CCNE1: variants seen among roughly 807,000 people sequenced by gnomAD.
CCNE1 encodes the protein G1/S-specific cyclin-E1.
In CCNE1, 8 loss-of-function variants were observed where a neutral mutation model predicts 54.1. The ratio of observed to expected loss-of-function variants is 0.15; its 90% CI spans 0.09 to 0.27. CCNE1 has a LOEUF of 0.27. CCNE1 is among the 10% of genes least tolerant of loss of function. CCNE1 has a pLI of 1.00. For synonymous variants in CCNE1, 179 were observed against 185.2 expected (o/e 0.97, Z 0.27); for missense variants, 430 against 514.9 (o/e 0.84, Z 1.60).
At chr19:29,819,368 C>T (rs1184361823) in intron 6 of CCNE1, among the ~76,000 whole-genome samples, 1 of 151,344 alleles carries the variant, frequency 6.6e-6, no homozygotes, top group Non-Finnish European at 1.5e-5. Flanking sequence ...CTGCAGGCTC[C>T]AATTCCTGGG....
At chr19:29,819,437 T>C (rs1974101537) in intron 6 of CCNE1, among the ~76,000 whole-genome samples, 1 of 152,000 alleles carries the variant, frequency 6.6e-6, no homozygotes, top group African/African-American at 2.4e-5. Flanking sequence ...CATGAGCCAC[T>C]ACTCCCTGCC....
intron 8 of CCNE1, 22 bp downstream of exon 8, chr19:29,821,839 G>C (rs543995160): frequency 6.3e-7 from 1 of 1,583,402 alleles, no homozygotes; most frequent in East Asian, 2.2e-5. Context: ...TGAATTTTCC[G>C]GCCATTTTTT....
chr19:29,813,251 C>T, intron 4 of CCNE1: 1 of 583,128 alleles, frequency 1.7e-6, no homozygotes, highest in Non-Finnish European at 3.1e-6. Flanking sequence ...CTGACTGGCA[C>T]CGTCTGAGAT....
chr19:29,822,625 A>G (rs754597807), intron 11 of CCNE1, 22 bp downstream of exon 11: 2 of 1,589,660 alleles, frequency 1.3e-6, no homozygotes, highest in African/African-American at 1.4e-5. Context: ...TCCTTCTTTC[A>G]GTCCTTCTTG....
chr19:29,818,649 G>T (rs927522405), intron 6 of CCNE1, among the ~76,000 whole-genome samples: 2 of 152,010 alleles, frequency 1.3e-5, no homozygotes, highest in African/African-American at 4.8e-5. Context: ...TCAAATCCTG[G>T]CTGGGCACAG....
chr19:29,812,444 CTCGCCCGG>C, intron 1 of CCNE1, 80 bp from the exon 2 acceptor site: 3 of 958,486 alleles, frequency 3.1e-6, no homozygotes, highest in Non-Finnish European at 4.0e-6. Context: ...ATCTTCCTGG[CTCGCCCGG>C]CCGCCCGCGC....
chr19:29,819,134 C>T (rs1451689282), intron 6 of CCNE1, among the ~76,000 whole-genome samples: 1 of 152,008 alleles, frequency 6.6e-6, no homozygotes, highest in East Asian at 1.9e-4. Context: ...GTCACAACTA[C>T]TGGGGAGGCT....
rs2145732968 is a variant in CCNE1 at position 29,823,955 on chromosome 19, T to G, written c.*178T>G. 1 of 620,366 alleles carries G rather than the reference T, an allele frequency of 1.6e-6. No individual in the cohort carries two copies. The highest frequency in any genetic ancestry group is 3.1e-5 in the East Asian group (1 of 31,800). The allele number at this position is 620,366 out of a possible 1,614,324, so 38.4% of individuals were successfully genotyped here. On this transcript the variant is annotated 3_prime_UTR_variant, in exon 12 of 12. Coordinates refer to ENST00000262643, the MANE Select transcript of CCNE1 (RefSeq NM_001238.4). The stretch of plus-strand genomic sequence containing the variant: ...GGGCAAAGTGTTTTTTATTGAATGC[T>G]TATAGGTTTTTTTTAAATAAGTGGG...
At chr19:29,816,634 A>G (rs1974022288) in intron 4 of CCNE1, among the ~76,000 whole-genome samples, 1 of 152,244 alleles carries the variant, frequency 6.6e-6, no homozygotes, top group Non-Finnish European at 1.5e-5. Context: ...AGAAAATGTC[A>G]CATTTGATGA....
chr19:29,820,541 G>C (rs1346721545), intron 6 of CCNE1, among the ~76,000 whole-genome samples, 161 bp from the exon 7 acceptor site: 1 of 149,436 alleles, frequency 6.7e-6, no homozygotes, highest in Non-Finnish European at 1.5e-5. Flanking sequence ...ACAGAATAAG[G>C]CACCTCAAAA....
At chr19:29,814,303 AG>A (rs987853393) in intron 4 of CCNE1, among the ~76,000 whole-genome samples, 9 of 152,282 alleles carry the variant, frequency 5.9e-5, no homozygotes, top group African/African-American at 1.7e-4. Context: ...TGTTTTGAAT[AG>A]AAAAGAAACT....
At chr19:29,823,593 G>T in intron 11 of CCNE1, 62 bp from the exon 12 acceptor site, 1 of 1,412,894 alleles carries the variant, frequency 7.1e-7, no homozygotes. Flanking sequence ...AAAGCCTATG[G>T]TAATTGAAGC....
intron 7 of CCNE1, 130 bp downstream of exon 7, chr19:29,820,978 T>A: frequency 1.5e-6 from 1 of 667,974 alleles, no homozygotes; most frequent in Non-Finnish European, 2.5e-6. Flanking sequence ...CCCTGTAAAG[T>A]TAAGACACAT....
At chr19:29,822,798 G>C (rs545425619) in intron 11 of CCNE1, among the ~76,000 whole-genome samples, 195 bp downstream of exon 11, 15 of 152,168 alleles carry the variant, frequency 9.9e-5, no homozygotes, top group Admixed American at 9.8e-4. Context: ...AAAAAAATTA[G>C]CCGGCTATGG....
rs1568371069 is a variant in CCNE1 at position 29,821,830 on chromosome 19, G to GA, written c.705+15dup. 3.8e-6 allele frequency: 6 copies of GA among 1,591,550 alleles called. No homozygotes were observed. ...AATGATTATGAAGGTGGGTTCCAGT[G>GA]AATTTTCCGGCCATTTTTTAAATGC... On this transcript the variant is annotated intron_variant, in intron 8 of 11. Coordinates refer to ENST00000262643, the MANE Select transcript of CCNE1 (RefSeq NM_001238.4).
chr19:29,820,908 T>C (rs754143756), intron 7 of CCNE1, 60 bp downstream of exon 7: 15 of 1,357,362 alleles, frequency 1.1e-5, no homozygotes, highest in Middle Eastern at 2.5e-4. Flanking sequence ...TCCACTGAGA[T>C]TGGGGGAAGA....
At chr19:29,816,995 A>G (rs1974031897) in intron 4 of CCNE1, 142 bp from the exon 5 acceptor site, 4 of 807,476 alleles carry the variant, frequency 5.0e-6, no homozygotes, top group Admixed American at 3.2e-5. Context: ...GACAAAAAAT[A>G]TCATAATGTA....
chr19:29,824,000 C>G lies in CCNE1; in HGVS notation c.*223C>G. On this transcript the variant is annotated 3_prime_UTR_variant, in exon 12 of 12. Transcript: ENST00000262643. Reference sequence around the variant, plus strand: ...AGTGGGTCAAGTACACCAGCCACCTCCAGACACCAGTGCGTGCTCCCGATG... The same window carrying G: ...AGTGGGTCAAGTACACCAGCCACCTGCAGACACCAGTGCGTGCTCCCGATG... 1 of 436,020 alleles carries G rather than the reference C, an allele frequency of 2.3e-6. No individual in the cohort carries two copies. The allele number at this position is 436,020 out of a possible 1,614,324, so 27.0% of individuals were successfully genotyped here.
chr19:29,817,093 G>C, intron 4 of CCNE1, 44 bp from the exon 5 acceptor site: 1 of 1,598,940 alleles, frequency 6.3e-7, no homozygotes. Context: ...TGTAAGAGCT[G>C]TTTGCATCTT....
Sources: allele counts gnomAD v4.1 joint callset (sites outside exome capture counted in the v4.1 genomes callset), GRCh38; gene constraint gnomAD v4.1.1; transcripts MANE v1.5; gene names NCBI Gene and HGNC (gene_info 2026-07-23, HGNC 2026-07-21).